The following GRK7 variants were observed in gnomAD, a reference collection of about 807,000 sequenced individuals.
GRK7 encodes the protein G protein-coupled receptor kinase 7, also known as rhodopsin kinase GRK7.
GRK7 carries 24 observed loss-of-function variants against 34.1 expected under a neutral mutation model. The observed-to-expected ratio is 0.70, with a 90% CI of 0.51 to 0.99. The LOEUF (loss-of-function observed/expected upper bound fraction) is 0.99, where lower values mean the gene tolerates loss of function less well. Among genes scored for constraint, GRK7 ranks in the 50% least tolerant of loss-of-function variants. GRK7 has a pLI of 0.00. For missense variants in GRK7, 644 were observed against 707.3 expected, an observed-to-expected ratio of 0.91 and a Z score of 1.02; for synonymous variants, 256 against 279.4, an observed-to-expected ratio of 0.92 and a Z score of 0.84.
At chr3:141,815,231 T>TTTGTTTG (rs1553738547) in intron 5 of GRK7, among the ~76,000 whole-genome samples, 2 of 148,258 alleles carry the variant, frequency 1.3e-5, no homozygotes, top group African/African-American at 5.0e-5. Flanking sequence ...GGTTGGTTTT[T>TTTGTTTG]TTTGTTTGTT....
At chr3:141,790,092 C>G (rs1159171564) in intron 4 of GRK7, among the ~76,000 whole-genome samples, 2 of 152,182 alleles carry the variant, frequency 1.3e-5, no homozygotes, top group African/African-American at 4.8e-5. Flanking sequence ...ACCTCCGTCT[C>G]CCAGGTTCAA....
intron 4 of GRK7, among the ~76,000 whole-genome samples, chr3:141,791,187 CA>C (rs1372719557): frequency 6.6e-6 from 1 of 152,184 alleles, no homozygotes; most frequent in African/African-American, 2.4e-5. Flanking sequence ...TCCTCACATT[CA>C]GAGGGATAAT....
At chr3:141,787,570 A>G (rs1463595493) in intron 4 of GRK7, among the ~76,000 whole-genome samples, 1 of 148,698 alleles carries the variant, frequency 6.7e-6, no homozygotes, top group Admixed American at 6.7e-5. Context: ...GGTTGCAGTG[A>G]GCCAAGATTG....
At position 141,778,479 on chromosome 3, in the gene GRK7, C is replaced by G. The variant is rs750522033; in HGVS notation, c.195C>G (p.Ile65Met). 9 of 1,612,958 alleles carry G rather than the reference C, an allele frequency of 5.6e-6. No homozygotes were observed. Among genetic ancestry groups the G allele is most frequent in the Non-Finnish European group, 7.6e-6 (9 of 1,179,922 alleles). Residue 65 changes from isoleucine (I) to methionine (M), a missense_variant, in exon 3 of 6, where the codon ATC becomes ATG. Coordinates refer to ENST00000682958, the MANE Select transcript of GRK7 (RefSeq NM_139209.3). The surrounding 1 kb of genome is among the most constrained non-coding windows in gnomAD (Gnocchi z 4.1). The stretch of plus-strand genomic sequence containing the variant: ...ACAGCCTGTGTGAGCAGCAGCCCAT[C>G]GGTCGCCGCCTCTTCCGTGACTTCC... ...NFHSLCEQQPIGRRLFRDFLA... is the reference protein window; with the variant it reads ...NFHSLCEQQPMGRRLFRDFLA...
At chr3:141,799,307 T>C (rs530425571) in intron 4 of GRK7, among the ~76,000 whole-genome samples, 14 of 152,120 alleles carry the variant, frequency 9.2e-5, no homozygotes, top group African/African-American at 3.4e-4. Context: ...GGCGGAATAA[T>C]GTAGTAGTGA....
Position 141,792,027 on chromosome 3 carries a change from T to C in GRK7, c.1050+11216T>C, listed in dbSNP as rs190353197. On this transcript the variant is annotated intron_variant, in intron 4 of 5. Coordinates refer to ENST00000682958, the MANE Select transcript of GRK7 (RefSeq NM_139209.3). The stretch of plus-strand genomic sequence containing the variant: ...TAAAAAAAAAAAAAAAAAAAAAAAA[T>C]TGAGGGATAGAAGGAAGAGCAGAAA... 8.2e-5 allele frequency among the ~76,000 whole-genome samples: 11 copies of C among 133,386 alleles called. No homozygotes were observed. In the East Asian group the frequency reaches 2.4e-3, roughly 29 times the overall value. The allele number at this position is 133,386 out of a possible 152,430, so 87.5% of individuals were successfully genotyped here.
rs890745501 is a variant in GRK7 at position 141,764,608 on chromosome 3, C to T, written c.-1345C>T. 6.6e-6 allele frequency among the ~76,000 whole-genome samples: 1 copy of T among 152,208 alleles called. No homozygotes were observed. Among genetic ancestry groups the T allele is most frequent in the Non-Finnish European group, 1.5e-5 (1 of 68,042 alleles). On this transcript the variant is annotated 5_prime_UTR_variant, in exon 1 of 6. Transcript: ENST00000682958. ...CTCAGTCCTTAGATTTCTCTGCCCTCACCCCAGAGTGATCACACCCAGTCC... is the reference window on the plus strand; with the variant it reads ...CTCAGTCCTTAGATTTCTCTGCCCTTACCCCAGAGTGATCACACCCAGTCC...
intron 4 of GRK7, among the ~76,000 whole-genome samples, chr3:141,781,927 G>T (rs530980789): frequency 1.8e-4 from 27 of 152,308 alleles, no homozygotes; most frequent in African/African-American, 6.3e-4. Flanking sequence ...CTCTTAAATG[G>T]TTACTTAAAA....
At chr3:141,804,041 C>T (rs751499772) in intron 4 of GRK7, among the ~76,000 whole-genome samples, 12 of 152,180 alleles carry the variant, frequency 7.9e-5, no homozygotes, top group Non-Finnish European at 1.5e-4. Flanking sequence ...CCAAATAATA[C>T]TCCTTGTATA....
the GRK7 span, among the ~76,000 whole-genome samples, chr3:141,751,687 G>A: frequency 6.6e-6 from 1 of 152,218 alleles, no homozygotes; most frequent in East Asian, 1.9e-4. Context: ...ATAGATCTGT[G>A]TTGTCTAATA....
chr3:141,775,787 G>C (rs567731929), intron 2 of GRK7, among the ~76,000 whole-genome samples: 6 of 149,596 alleles, frequency 4.0e-5, no homozygotes, highest in African/African-American at 1.5e-4. Context: ...AGTTAATTTC[G>C]CCTGTTTTTT....
rs2084638874 is a variant in GRK7 at position 141,776,354 on chromosome 3, GT to G, written c.-114+1678del. On this transcript the variant is annotated intron_variant, in intron 2 of 5. Transcript: ENST00000682958. ...ATATATCTGTGATATCAATGCTACC[GT>G]TTTCTCAAGGTTCTACCTTGCTAGG... Among the ~76,000 whole-genome samples, 4 of 152,058 alleles carry G rather than the reference GT, an allele frequency of 2.6e-5. No individual in the cohort carries two copies. In the South Asian group the frequency reaches 8.3e-4, roughly 32 times the overall value.
chr3:141,779,048 TTG>T, intron 3 of GRK7, 152 bp downstream of exon 3: 1 of 777,908 alleles, frequency 1.3e-6, no homozygotes, highest in Non-Finnish European at 2.0e-6. Context: ...GCCCCCTTCT[TTG>T]TGTGTGCCAT....
chr3:141,804,669 G>A (rs1711006025), intron 4 of GRK7, among the ~76,000 whole-genome samples: 1 of 145,960 alleles, frequency 6.9e-6, no homozygotes, highest in African/African-American at 2.5e-5. Flanking sequence ...ACATACACAT[G>A]CACAGATACA....
chr3:141,799,095 C>T (rs999574222), intron 4 of GRK7, among the ~76,000 whole-genome samples: 5 of 152,072 alleles, frequency 3.3e-5, no homozygotes, highest in African/African-American at 1.2e-4. Flanking sequence ...TGTGGAGCAG[C>T]CGAGCCAGCC....
the GRK7 span, among the ~76,000 whole-genome samples, chr3:141,754,121 A>T: frequency 1.3e-5 from 2 of 152,246 alleles, no homozygotes; most frequent in African/African-American, 4.8e-5. Flanking sequence ...TACACTTGGC[A>T]ACAAATATCA....
intron 4 of GRK7, among the ~76,000 whole-genome samples, chr3:141,782,397 G>T (rs1001521240): frequency 4.6e-5 from 7 of 152,156 alleles, no homozygotes; most frequent in African/African-American, 1.7e-4. Context: ...CCAGAAGGAA[G>T]AGCAGATTTG....
intron 1 of GRK7, among the ~76,000 whole-genome samples, chr3:141,774,051 T>C (rs1348249172): frequency 1.3e-5 from 2 of 152,200 alleles, no homozygotes; most frequent in East Asian, 3.8e-4. Context: ...GCTTCTAATA[T>C]AAGAATTCAA....
chr3:141,767,861 C>CTT (rs763571361), intron 1 of GRK7, among the ~76,000 whole-genome samples: 3 of 152,118 alleles, frequency 2.0e-5, no homozygotes, highest in Non-Finnish European at 4.4e-5. Flanking sequence ...CTATGAGACC[C>CTT]TAAGTTCCTA....
Sources: allele counts gnomAD v4.1 joint callset (sites outside exome capture counted in the v4.1 genomes callset), GRCh38; gene constraint gnomAD v4.1.1; non-coding constraint Gnocchi (gnomAD v3.1); transcripts MANE v1.5; gene names NCBI Gene and HGNC (gene_info 2026-07-23, HGNC 2026-07-21).